Variants in DOK5 observed in about 807,000 individuals in gnomAD.
The protein encoded by DOK5 is docking protein 5.
A neutral mutation model predicts 43.3 loss-of-function variants in DOK5; 27 were observed. The observed-to-expected ratio is 0.62, with a 90% confidence interval of 0.46 to 0.86. DOK5 has a LOEUF of 0.86. Among genes scored for constraint, DOK5 ranks in the 40% least tolerant of loss-of-function variants. DOK5 has a pLI of 0.00. For synonymous variants in DOK5, 146 were observed against 140.1 expected (o/e 1.04, Z -0.30); for missense variants, 373 against 392.9 (o/e 0.95, Z 0.43).
At chr20:54,480,300 C>A (rs546186684) in intron 1 of DOK5, among the ~76,000 whole-genome samples, 106 of 152,270 alleles carry the variant, frequency 7.0e-4, no homozygotes, top group African/African-American at 2.5e-3. Context: ...GTCATAAAGA[C>A]CTTGCTGATA....
In DOK5 at chr20:54,645,025, T is replaced by TTTTTG. The variant is rs1491431621; in HGVS notation, c.856+1447_856+1448insTTTTG. 1.8e-4 allele frequency among the ~76,000 whole-genome samples: 16 copies of TTTTTG among 90,800 alleles called. 4 individuals are homozygous for TTTTTG. Among genetic ancestry groups the TTTTTG allele is most frequent in the Non-Finnish European group, 2.4e-4 (12 of 49,228 alleles). The allele number at this position is 90,800 out of a possible 152,430, so 59.6% of individuals were successfully genotyped here. ...TTTTTTTTTTTTTTTTTTTTTTTTT[T>TTTTTG]GAGACAGAGTCTCGCTCTGTCGCCC... On this transcript the variant is annotated intron_variant, in intron 7 of 7. Coordinates refer to ENST00000262593, the MANE Select transcript of DOK5 (RefSeq NM_018431.5).
intron 6 of DOK5, among the ~76,000 whole-genome samples, chr20:54,634,549 C>T (rs1255657314): frequency 6.8e-6 from 1 of 147,284 alleles, no homozygotes; most frequent in Non-Finnish European, 1.5e-5. Flanking sequence ...TCACGCCATT[C>T]TCTTGCCTCA....
At chr20:54,624,367 T>C (rs1203971572) in intron 6 of DOK5, among the ~76,000 whole-genome samples, 1 of 152,034 alleles carries the variant, frequency 6.6e-6, no homozygotes, top group Non-Finnish European at 1.5e-5. Context: ...GACCTCTGAG[T>C]AAGTGGCAGC....
At chr20:54,638,422 T>C (rs571467327) in intron 6 of DOK5, among the ~76,000 whole-genome samples, 71 of 152,206 alleles carry the variant, frequency 4.7e-4, no homozygotes, top group Non-Finnish European at 9.1e-4. Flanking sequence ...AATGGTGTGG[T>C]TTAGGCTATG....
chr20:54,559,949 C>T (rs1984844813), intron 2 of DOK5, among the ~76,000 whole-genome samples: 1 of 152,136 alleles, frequency 6.6e-6, no homozygotes, highest in African/African-American at 2.4e-5. Flanking sequence ...TCCCAAACAC[C>T]TTTGGTCTTA....
chr20:54,480,936 C>CATCT (rs760639654), intron 1 of DOK5, among the ~76,000 whole-genome samples: 2 of 126,286 alleles, frequency 1.6e-5, no homozygotes, highest in East Asian at 1.9e-4. Context: ...AATCATCTAT[C>CATCT]ATCTATCTAT....
At chr20:54,571,737 A>T (rs1985287935) in intron 2 of DOK5, among the ~76,000 whole-genome samples, 1 of 152,048 alleles carries the variant, frequency 6.6e-6, no homozygotes, top group South Asian at 2.1e-4. Flanking sequence ...AAGCCTTTTA[A>T]TTTGCACTCT....
intron 1 of DOK5, among the ~76,000 whole-genome samples, chr20:54,523,810 T>A (rs1600679342): frequency 6.6e-6 from 1 of 152,006 alleles, no homozygotes; most frequent in East Asian, 2.0e-4. Flanking sequence ...ACCATGTTGG[T>A]CAGGCTGGTC....
intron 6 of DOK5, among the ~76,000 whole-genome samples, chr20:54,627,171 G>A (rs1218418323): frequency 2.0e-5 from 3 of 152,034 alleles, no homozygotes; most frequent in African/African-American, 7.2e-5. Context: ...TGTGAAGTGA[G>A]TCCCTGAAAA....
intron 6 of DOK5, among the ~76,000 whole-genome samples, chr20:54,625,702 T>A (rs1987111943): frequency 6.6e-6 from 1 of 152,172 alleles, no homozygotes; most frequent in Non-Finnish European, 1.5e-5. Context: ...ATAAGGCAGG[T>A]GATTTCTTGG....
intron 1 of DOK5, among the ~76,000 whole-genome samples, chr20:54,476,507 C>T (rs1981433415): frequency 6.6e-6 from 1 of 152,108 alleles, no homozygotes; most frequent in Non-Finnish European, 1.5e-5. Flanking sequence ...GTCTTTGGAT[C>T]CCCCCACCTC....
At chr20:54,492,815 A>T (rs921569040) in intron 1 of DOK5, among the ~76,000 whole-genome samples, 1 of 151,872 alleles carries the variant, frequency 6.6e-6, no homozygotes, top group Non-Finnish European at 1.5e-5. Context: ...ACACTTTGGG[A>T]GGCCAAGGGG....
intron 2 of DOK5, among the ~76,000 whole-genome samples, chr20:54,577,488 C>T (rs1302805285): frequency 2.0e-5 from 3 of 152,160 alleles, no homozygotes; most frequent in South Asian, 2.1e-4. Flanking sequence ...TGTTCTAGTA[C>T]AGTTTCCTGA....
In DOK5 at chr20:54,554,916, T is replaced by A; in HGVS notation, c.67-17T>A. On this transcript the variant is annotated splice_polypyrimidine_tract_variant and intron_variant, in intron 1 of 7. Coordinates refer to ENST00000262593, the MANE Select transcript of DOK5 (RefSeq NM_018431.5). The stretch of plus-strand genomic sequence containing the variant: ...GTCAGGGGAGATGCTGAGCTCAGTC[T>A]TTGTATTTCCTTCCAGATTTATCAG... The A allele has an allele frequency of 6.5e-7, 1 of 1,544,422 alleles. No individual in the cohort carries two copies. Among genetic ancestry groups the A allele is most frequent in the South Asian group, 1.1e-5 (1 of 89,650 alleles).
chr20:54,647,621 G>A (rs961644815), intron 7 of DOK5, among the ~76,000 whole-genome samples: 1 of 151,948 alleles, frequency 6.6e-6, no homozygotes, highest in Non-Finnish European at 1.5e-5. Flanking sequence ...TAAAATAACA[G>A]CAGTTACATC....
chr20:54,588,980 A>T (rs1985899792), intron 4 of DOK5, among the ~76,000 whole-genome samples, 174 bp downstream of exon 4: 1 of 152,102 alleles, frequency 6.6e-6, no homozygotes. Context: ...TTTTTTTCTT[A>T]TTCTTTTTCC....
intron 1 of DOK5, among the ~76,000 whole-genome samples, chr20:54,552,703 A>T (rs1161887960): frequency 6.6e-6 from 1 of 152,100 alleles, no homozygotes; most frequent in Non-Finnish European, 1.5e-5. Context: ...TTTTATTGTA[A>T]ATAATGCTGC....
At chr20:54,609,928 A>T (rs1217483959) in intron 5 of DOK5, among the ~76,000 whole-genome samples, 1 of 152,242 alleles carries the variant, frequency 6.6e-6, no homozygotes, top group South Asian at 2.1e-4. Context: ...CCTTAAAGTC[A>T]TGGTCTGTAG....
intron 6 of DOK5, among the ~76,000 whole-genome samples, chr20:54,620,819 C>T (rs1986953762): frequency 6.6e-6 from 1 of 152,084 alleles, no homozygotes; most frequent in Admixed American, 6.6e-5. Flanking sequence ...TTGCTGAGCC[C>T]TGCTGCCCAC....
Sources: allele counts gnomAD v4.1 joint callset (sites outside exome capture counted in the v4.1 genomes callset), GRCh38; gene constraint gnomAD v4.1.1; transcripts MANE v1.5; gene names NCBI Gene and HGNC (gene_info 2026-07-23, HGNC 2026-07-21).